The following CTNNA2 variants were observed in gnomAD, a reference collection of about 807,000 sequenced individuals.
CTNNA2 encodes the protein catenin alpha-2.
CTNNA2 carries 42 observed loss-of-function variants against 101.0 expected under a neutral mutation model. The ratio of observed to expected loss-of-function variants is 0.42; its 90% CI spans 0.32 to 0.54. CTNNA2 has a LOEUF of 0.54. Ranked by LOEUF, CTNNA2 falls within the 20% of genes least tolerant of loss-of-function variation. CTNNA2 has a pLI of 0.14. For synonymous variants in CTNNA2, 450 were observed against 456.4 expected, an observed-to-expected ratio of 0.99 and a Z score of 0.18; for missense variants, 871 against 1,223.1, an observed-to-expected ratio of 0.71 and a Z score of 4.29.
chr2:79,677,636 T>C (rs1035362281), intron 2 of CTNNA2, among the ~76,000 whole-genome samples: 4 of 152,224 alleles, frequency 2.6e-5, no homozygotes, highest in African/African-American at 4.8e-5. Flanking sequence ...AAGATTTCAC[T>C]GAACTCTCAT....
At chr2:80,556,688 G>T (rs1416172483) in intron 12 of CTNNA2, among the ~76,000 whole-genome samples, 1 of 151,796 alleles carries the variant, frequency 6.6e-6, no homozygotes, top group Non-Finnish European at 1.5e-5. Flanking sequence ...ATGTCTTTTG[G>T]CTTCCTCAGG....
intron 2 of CTNNA2, among the ~76,000 whole-genome samples, chr2:79,219,527 T>A (rs1193910532): frequency 6.6e-6 from 1 of 152,186 alleles, no homozygotes; most frequent in Non-Finnish European, 1.5e-5. Flanking sequence ...TTGTTAAACT[T>A]GTGAGGTTAA....
intron 8 of CTNNA2, among the ~76,000 whole-genome samples, chr2:80,401,172 T>C (rs1420167524): frequency 6.6e-6 from 1 of 152,142 alleles, no homozygotes; most frequent in Non-Finnish European, 1.5e-5. Context: ...TTGCCAGTGC[T>C]CATGTCTTTC....
chr2:79,987,198 T>C (rs1691828897), intron 7 of CTNNA2, among the ~76,000 whole-genome samples: 1 of 152,220 alleles, frequency 6.6e-6, no homozygotes, highest in African/African-American at 2.4e-5. Context: ...GCCTGTGTCC[T>C]CCATCTTTTT....
chr2:79,694,361 C>G (rs1684514222), intron 2 of CTNNA2, among the ~76,000 whole-genome samples: 1 of 151,960 alleles, frequency 6.6e-6, no homozygotes, highest in Admixed American at 6.6e-5. Context: ...ATTGTTTGGG[C>G]ATCATCGTGA....
At chr2:80,389,601 G>A (rs971612222) in intron 7 of CTNNA2, among the ~76,000 whole-genome samples, 5 of 152,308 alleles carry the variant, frequency 3.3e-5, no homozygotes, top group Admixed American at 6.5e-5. Flanking sequence ...GACATACAGA[G>A]CTGAGGAAAG....
At chr2:79,630,807 A>G (rs370406830) in intron 1 of CTNNA2, among the ~76,000 whole-genome samples, 1 of 151,548 alleles carries the variant, frequency 6.6e-6, no homozygotes, top group South Asian at 2.1e-4. Context: ...ACAATGCTAT[A>G]TGGGTGGGCC....
intron 2 of CTNNA2, among the ~76,000 whole-genome samples, chr2:79,677,629 A>G (rs1174278688): frequency 6.6e-6 from 1 of 152,176 alleles, no homozygotes; most frequent in Non-Finnish European, 1.5e-5. Flanking sequence ...GAATTGTAAG[A>G]TTTCACTGAA....
intron 8 of CTNNA2, among the ~76,000 whole-genome samples, chr2:80,393,698 T>TA (rs1422646426): frequency 6.6e-6 from 1 of 152,228 alleles, no homozygotes; most frequent in African/African-American, 2.4e-5. Context: ...ATACAACTCT[T>TA]AATCTGATGG....
upstream of CTNNA2, among the ~76,000 whole-genome samples, chr2:79,508,988 T>C (rs1671475423): frequency 2.3e-5 from 1 of 42,604 alleles, no homozygotes; most frequent in African/African-American, 9.4e-5. Context: ...TATATATATA[T>C]ATATATATAT....
intron 3 of CTNNA2, among the ~76,000 whole-genome samples, chr2:79,793,888 GCACACACACACACA>G (rs71385299): frequency 7.0e-6 from 1 of 142,726 alleles, no homozygotes; most frequent in East Asian, 2.1e-4. Flanking sequence ...ACACACTCAT[GCACACACACACACA>G]CACACACACA....
At chr2:79,704,955 T>G (rs889608584) in intron 2 of CTNNA2, among the ~76,000 whole-genome samples, 1 of 152,194 alleles carries the variant, frequency 6.6e-6, no homozygotes, top group Non-Finnish European at 1.5e-5. Flanking sequence ...AAACTTCTGA[T>G]CTACACCAGT....
At chr2:79,273,763 C>A (rs570209983) in intron 2 of CTNNA2, among the ~76,000 whole-genome samples, 1 of 150,634 alleles carries the variant, frequency 6.6e-6, no homozygotes, top group African/African-American at 2.4e-5. Context: ...CCTCAAAGAG[C>A]ATGTTTATGT....
At chr2:79,483,940 A>G (rs1671133342) in intron 4 of CTNNA2, among the ~76,000 whole-genome samples, 1 of 152,178 alleles carries the variant, frequency 6.6e-6, no homozygotes. Context: ...TCAACATAAG[A>G]CACCATAATG....
chr2:79,596,947 C>T (rs924455568), intron 1 of CTNNA2, among the ~76,000 whole-genome samples: 3 of 152,114 alleles, frequency 2.0e-5, no homozygotes, highest in African/African-American at 7.2e-5. Flanking sequence ...GAAGATAAGT[C>T]CAGGACAGTC....
chr2:80,037,256 C>T (rs1167192140), intron 7 of CTNNA2, among the ~76,000 whole-genome samples: 2 of 152,068 alleles, frequency 1.3e-5, no homozygotes, highest in Non-Finnish European at 2.9e-5. Flanking sequence ...ATTTTCTCAT[C>T]CCAGGGAAAT....
At chr2:80,344,580 G>A (rs1032767811) in intron 7 of CTNNA2, among the ~76,000 whole-genome samples, 4 of 152,112 alleles carry the variant, frequency 2.6e-5, no homozygotes, top group Non-Finnish European at 5.9e-5. Context: ...GATCTCCCAG[G>A]CACAGGTGAT....
chr2:80,490,286 C>A (rs1357833157), intron 9 of CTNNA2, among the ~76,000 whole-genome samples: 14 of 88,902 alleles, frequency 1.6e-4, no homozygotes, highest in African/African-American at 5.0e-4. Flanking sequence ...CCCCACCCCC[C>A]CCCCGGTAAA....
At chr2:80,226,191 A>C (rs1039457413) in intron 7 of CTNNA2, among the ~76,000 whole-genome samples, 4 of 152,220 alleles carry the variant, frequency 2.6e-5, no homozygotes, top group Admixed American at 2.6e-4. Context: ...CTAGGGTTAA[A>C]ACAGCTCATT....
Sources: allele counts gnomAD v4.1 joint callset (sites outside exome capture counted in the v4.1 genomes callset), GRCh38; gene constraint gnomAD v4.1.1; transcripts MANE v1.5; gene names NCBI Gene and HGNC (gene_info 2026-07-23, HGNC 2026-07-21).